Variants in OXSR1 observed in about 807,000 individuals in gnomAD.
The protein encoded by OXSR1 is oxidative stress responsive kinase 1, also known as serine/threonine-protein kinase OSR1.
In OXSR1, 24 loss-of-function variants were observed where a neutral mutation model predicts 79.8. The observed-to-expected ratio is 0.30, with a 90% CI of 0.22 to 0.42. The LOEUF is 0.42. Among genes scored for constraint, OXSR1 ranks in the 10% least tolerant of loss-of-function variants. The pLI, the probability that OXSR1 is intolerant of heterozygous loss-of-function variation, is 1.00. For synonymous variants in OXSR1, 226 were observed against 209.2 expected, an observed-to-expected ratio of 1.08 and a Z score of -0.69; for missense variants, 430 against 618.4, an observed-to-expected ratio of 0.70 and a Z score of 3.23.
chr3:38,203,253 G>A (rs570402698), intron 4 of OXSR1, among the ~76,000 whole-genome samples: 1 of 152,234 alleles, frequency 6.6e-6, no homozygotes, highest in Non-Finnish European at 1.5e-5. Flanking sequence ...CTATGATCAC[G>A]GGACTTGCTT....
At chr3:38,220,694 C>T (rs1340436047) in intron 5 of OXSR1, among the ~76,000 whole-genome samples, 1 of 152,228 alleles carries the variant, frequency 6.6e-6, no homozygotes. Flanking sequence ...TAGCATGGCT[C>T]AGCTCCAGTG....
chr3:38,247,869 A>T (rs1703175613), intron 14 of OXSR1, 137 bp downstream of exon 14: 2 of 572,022 alleles, frequency 3.5e-6, no homozygotes, highest in South Asian at 4.9e-5. Flanking sequence ...GTGGTGTATT[A>T]TTTTTCCCCA....
At chr3:38,203,976 G>T (rs975454093) in intron 4 of OXSR1, among the ~76,000 whole-genome samples, 1 of 152,190 alleles carries the variant, frequency 6.6e-6, no homozygotes, top group Admixed American at 6.5e-5. Flanking sequence ...GAGAGCCAGG[G>T]CCTGGAGTCG....
In OXSR1 at chr3:38,242,760, A is replaced by G; in HGVS notation, c.1092A>G (p.Glu364=). ...TCGTTTAGTCTCCCCGAGTGAAAGA[A>G]TCAATATCAAATTCTGAGGTAAGTA... ...ISQLRSPRVK[E]SISNSELFPT... is the part of the protein sequence containing the mutation. The change falls in exon 12 of 18, where the codon GAA becomes GAG. Residue 364 remains glutamate (E), a synonymous_variant. Coordinates refer to ENST00000311806, the MANE Select transcript of OXSR1 (RefSeq NM_005109.3). 1 of 1,562,964 alleles carries G rather than the reference A, an allele frequency of 6.4e-7. No individual in the cohort carries two copies. Among genetic ancestry groups the G allele is most frequent in the Non-Finnish European group, 8.8e-7 (1 of 1,142,130 alleles).
At chr3:38,208,961 T>TGC (rs1702323934) in intron 4 of OXSR1, among the ~76,000 whole-genome samples, 1 of 135,332 alleles carries the variant, frequency 7.4e-6, no homozygotes, top group African/African-American at 2.9e-5. Context: ...AGTTAAGGAG[T>TGC]GTGTGTGTGT....
Position 38,198,748 on chromosome 3 carries a change from A to T in OXSR1, c.319A>T (p.Ile107Phe). The T allele has an allele frequency of 6.2e-7, 1 of 1,613,504 alleles. No homozygotes were observed. Among genetic ancestry groups the T allele is most frequent in the Non-Finnish European group, 8.5e-7 (1 of 1,179,500 alleles). The change falls in exon 4 of 18, where the codon ATT (isoleucine) becomes TTT (phenylalanine). Residue 107 changes from isoleucine (I) to phenylalanine (F), a missense_variant. Ile to Phe is a conservative substitution (Grantham distance 21). This residue lies in a region of OXSR1 where 145 missense variants were observed against 228.3 expected (regional missense o/e 0.64). Transcript: ENST00000311806. ...TTCTGTTCTGGATATTATTAAGCACATTGTGGCAAAAGGGGAACACAAAAG... is the reference window on the plus strand; with the variant it reads ...TTCTGTTCTGGATATTATTAAGCACTTTGTGGCAAAAGGGGAACACAAAAG... ...GGSVLDIIKH[I>F]VAKGEHKSGV...
intron 1 of OXSR1, among the ~76,000 whole-genome samples, chr3:38,178,081 G>A (rs887577643): frequency 6.6e-6 from 1 of 151,766 alleles, no homozygotes; most frequent in African/African-American, 2.4e-5. Flanking sequence ...CCTGAGTAAC[G>A]GGGATTACAG....
At chr3:38,244,637 CTGTGTG>C (rs112035003) in intron 12 of OXSR1, among the ~76,000 whole-genome samples, 7 of 99,400 alleles carry the variant, frequency 7.0e-5, no homozygotes, top group African/African-American at 1.9e-4. Context: ...TAATATTCCT[CTGTGTG>C]TGTGTGTGTG....
intron 1 of OXSR1, among the ~76,000 whole-genome samples, chr3:38,177,286 C>T (rs983746270): frequency 2.0e-5 from 3 of 152,220 alleles, no homozygotes; most frequent in African/African-American, 7.2e-5. Flanking sequence ...GTTAAACTTT[C>T]TTCAGGGCTT....
chr3:38,183,449 A>G (rs1701824826), intron 2 of OXSR1, among the ~76,000 whole-genome samples: 1 of 152,236 alleles, frequency 6.6e-6, no homozygotes, highest in Non-Finnish European at 1.5e-5. Flanking sequence ...ATGGATCAGT[A>G]TCATTTACAG....
At chr3:38,232,614 G>A (rs1702834199) in intron 10 of OXSR1, among the ~76,000 whole-genome samples, 1 of 151,720 alleles carries the variant, frequency 6.6e-6, no homozygotes, top group South Asian at 2.1e-4. Context: ...ATTAAAATTA[G>A]CCAGGCATGG....
chr3:38,193,459 T>G (rs181216615), intron 3 of OXSR1: 1 of 1,191,788 alleles, frequency 8.4e-7, no homozygotes, highest in East Asian at 5.7e-5. Context: ...TATAGCATAA[T>G]TTTCTTTATT....
chr3:38,241,019 A>AG (rs1703022052), intron 11 of OXSR1, among the ~76,000 whole-genome samples: 1 of 152,156 alleles, frequency 6.6e-6, no homozygotes, highest in African/African-American at 2.4e-5. Flanking sequence ...AGCTAAATAT[A>AG]GGGGGAAGTT....
At chr3:38,224,348 T>C (rs192507427) in intron 7 of OXSR1, among the ~76,000 whole-genome samples, 1 of 152,380 alleles carries the variant, frequency 6.6e-6, no homozygotes, top group Admixed American at 6.5e-5. Flanking sequence ...CTGAATAATA[T>C]CCATTGCGTG....
chr3:38,244,450 C>T (rs775585695), intron 12 of OXSR1, among the ~76,000 whole-genome samples: 5 of 152,116 alleles, frequency 3.3e-5, no homozygotes, highest in Non-Finnish European at 7.4e-5. Flanking sequence ...TCTCCCCAGT[C>T]GCTGGCAACC....
Position 38,165,886 on chromosome 3 carries a change from G to A in OXSR1, c.10G>A (p.Asp4Asn), listed in dbSNP as rs1487409831. 2 of 1,611,266 alleles carry A rather than the reference G, an allele frequency of 1.2e-6. No individual in the cohort carries two copies. The highest frequency in any genetic ancestry group is 1.8e-4 in the Middle Eastern group (1 of 5,632). The change falls in exon 1 of 18, where the codon GAC becomes AAC. Residue 4 changes from aspartate (D) to asparagine (N), a missense_variant. Physicochemically the swap from Asp to Asn is conservative, Grantham distance 23 (BLOSUM62 1). Transcript: ENST00000311806. MSE[D>N]SSALPWSINR... Reference sequence around the variant, plus strand: ...AGCCGCTGCCGCCGTCATGTCCGAGGACTCGAGCGCCCTGCCCTGGTCCAT... The same window carrying A: ...AGCCGCTGCCGCCGTCATGTCCGAGAACTCGAGCGCCCTGCCCTGGTCCAT...
intron 1 of OXSR1, among the ~76,000 whole-genome samples, chr3:38,170,993 TCTCTACTTCTGGG>T (rs1295949668): frequency 5.3e-5 from 8 of 152,082 alleles, no homozygotes; most frequent in Non-Finnish European, 1.0e-4. Flanking sequence ...TCCAGGCTGG[TCTCTACTTCTGGG>T]CTCAAGTGAT....
At chr3:38,239,558 C>T (rs1027833379) in intron 11 of OXSR1, among the ~76,000 whole-genome samples, 15 of 152,164 alleles carry the variant, frequency 9.9e-5, no homozygotes, top group African/African-American at 3.1e-4. Flanking sequence ...TTTTTCCAGT[C>T]GGGCTGGTGG....
chr3:38,178,756 G>A (rs1162091792), intron 1 of OXSR1, among the ~76,000 whole-genome samples: 1 of 151,244 alleles, frequency 6.6e-6, no homozygotes, highest in Non-Finnish European at 1.5e-5. Flanking sequence ...AGGTCTATAG[G>A]CATGAGCCAC....
Sources: allele counts gnomAD v4.1 joint callset (sites outside exome capture counted in the v4.1 genomes callset), GRCh38; gene constraint gnomAD v4.1.1; regional missense constraint gnomAD v4.1.1; transcripts MANE v1.5; gene names NCBI Gene and HGNC (gene_info 2026-07-23, HGNC 2026-07-21).